Variants in TRPM3 observed in about 807,000 individuals in gnomAD.
The protein encoded by TRPM3 is transient receptor potential cation channel subfamily M member 3.
TRPM3 carries 77 observed loss-of-function variants against 181.2 expected under a neutral mutation model. The ratio of observed to expected loss-of-function variants is 0.42; its 90% CI spans 0.35 to 0.51. The LOEUF (loss-of-function observed/expected upper bound fraction) is 0.51, where lower values mean the gene tolerates loss of function less well. Among genes scored for constraint, TRPM3 ranks in the 20% least tolerant of loss-of-function variants. The pLI is 0.01. For synonymous variants in TRPM3, 745 were observed against 796.4 expected (o/e 0.94, Z 1.09); for missense variants, 1,759 against 2,196.7 (o/e 0.80, Z 3.98).
intron 1 of TRPM3, among the ~76,000 whole-genome samples, chr9:70,879,666 ATAT>A (rs2095946225): frequency 6.6e-6 from 1 of 152,110 alleles, no homozygotes; most frequent in African/African-American, 2.4e-5. Context: ...AAAATAATAG[ATAT>A]TATACAGTTA....
chr9:70,936,700 C>A (rs2096831735), intron 1 of TRPM3, among the ~76,000 whole-genome samples: 1 of 152,188 alleles, frequency 6.6e-6, no homozygotes. Context: ...GCCTAGAGTT[C>A]TCTTCACCCA....
chr9:70,584,467 G>T (rs2056689340), intron 22 of TRPM3, among the ~76,000 whole-genome samples: 1 of 152,088 alleles, frequency 6.6e-6, no homozygotes, highest in South Asian at 2.1e-4. Context: ...TCATTATTGT[G>T]AACAACTTCA....
chr9:70,866,921 A>C (rs1309034096), intron 1 of TRPM3, among the ~76,000 whole-genome samples: 1 of 152,054 alleles, frequency 6.6e-6, no homozygotes, highest in Non-Finnish European at 1.5e-5. Flanking sequence ...GAACTTGAAC[A>C]GTCTGGCTTC....
intron 5 of TRPM3, among the ~76,000 whole-genome samples, chr9:70,839,762 A>G (rs1394149905): frequency 1.3e-5 from 2 of 152,162 alleles, no homozygotes; most frequent in Non-Finnish European, 2.9e-5. Context: ...AGATGCAGCT[A>G]TTCTATTTTT....
At chr9:71,326,617 G>C (rs902954388) in intron 1 of TRPM3, among the ~76,000 whole-genome samples, 4 of 152,152 alleles carry the variant, frequency 2.6e-5, no homozygotes, top group African/African-American at 9.7e-5. Context: ...GTAGATGACT[G>C]GTCTTTTAAT....
In TRPM3 at chr9:70,537,248, C is replaced by T. The variant is rs538584258; in HGVS notation, c.3865G>A (p.Glu1289Lys). 2.3e-5 allele frequency: 36 copies of T among 1,596,264 alleles called. No individual in the cohort carries two copies. The highest frequency in any genetic ancestry group is 4.0e-5 in the African/African-American group (3 of 74,546). The change falls in exon 26 of 26, where the codon GAG becomes AAG. Residue 1289 changes from glutamate to lysine, a missense_variant. Around this residue, in one of 8 missense-constraint regions of TRPM3, gnomAD observed 612 missense variants for 590.0 expected, o/e 1.04. Transcript: ENST00000677713. ...LERLTGLERAESNKIRSRTSS... is the reference protein window; with the variant it reads ...LERLTGLERAKSNKIRSRTSS... ...GTCCTCGAGCGGATTTTGTTGGACT[C>T]GGCCCGCTCCAGACCTGTCAGGCGC...
At chr9:71,257,722 T>C (rs1588160433) in intron 1 of TRPM3, among the ~76,000 whole-genome samples, 1 of 152,338 alleles carries the variant, frequency 6.6e-6, no homozygotes, top group East Asian at 1.9e-4. Context: ...TGAATGTATC[T>C]TTGTACTAAG....
chr9:71,061,787 G>A (rs906425082), intron 1 of TRPM3, among the ~76,000 whole-genome samples: 2 of 152,044 alleles, frequency 1.3e-5, no homozygotes, highest in African/African-American at 2.4e-5. Context: ...TTCACCCCTT[G>A]CATCATTTTG....
rs567866450 is a variant in TRPM3, at chr9:71,332,790, G to T, written c.183+113863C>A. 3.1e-4 allele frequency among the ~76,000 whole-genome samples: 47 copies of T among 150,844 alleles called. 1 individual carries two copies. The highest frequency in any genetic ancestry group is 2.5e-3 in the South Asian group (12 of 4,742). ...AACACATTTAGAAAAATTTTTAAATGTATGTGCAAAGTGGAAGCTTTGCCC... is the reference window on the plus strand; with the variant it reads ...AACACATTTAGAAAAATTTTTAAATTTATGTGCAAAGTGGAAGCTTTGCCC... On this transcript the variant is annotated intron_variant, in intron 1 of 24. Transcript: ENST00000357533.
At chr9:70,894,379 T>C (rs1241035320) in intron 1 of TRPM3, among the ~76,000 whole-genome samples, 1 of 152,176 alleles carries the variant, frequency 6.6e-6, no homozygotes, top group Non-Finnish European at 1.5e-5. Context: ...CAAGGGACCA[T>C]CGGGCATTAC....
At chr9:71,124,109 A>T (rs148863648), upstream of TRPM3, among the ~76,000 whole-genome samples, 2 of 152,282 alleles carry the variant, frequency 1.3e-5, no homozygotes, top group Admixed American at 6.5e-5. Flanking sequence ...ATTACACTGC[A>T]AAAGAGGTAA....
chr9:71,033,598 T>C (rs140446530), intron 1 of TRPM3, among the ~76,000 whole-genome samples: 3 of 152,292 alleles, frequency 2.0e-5, no homozygotes, highest in East Asian at 3.9e-4. Context: ...AAGTGAGTGA[T>C]GATGATCACA....
chr9:70,615,172 G>A (rs2062594571), intron 18 of TRPM3, among the ~76,000 whole-genome samples: 1 of 152,206 alleles, frequency 6.6e-6, no homozygotes, highest in Non-Finnish European at 1.5e-5. Flanking sequence ...TACAGCAATG[G>A]TCATTGGTGG....
intron 1 of TRPM3, among the ~76,000 whole-genome samples, chr9:71,205,967 T>C (rs2079097635): frequency 6.6e-6 from 1 of 152,188 alleles, no homozygotes; most frequent in African/African-American, 2.4e-5. Context: ...AAAACACTCT[T>C]TAAAAATTTT....
At position 71,317,025 on chromosome 9, in the gene TRPM3, A is replaced by G. The variant is rs952817577; in HGVS notation, c.183+129628T>C. Among the ~76,000 whole-genome samples, 11 of 152,210 alleles carry G rather than the reference A, an allele frequency of 7.2e-5. 1 individual carries two copies. In the East Asian group the frequency reaches 1.5e-3, roughly 21 times the overall value. On this transcript the variant is annotated intron_variant, in intron 1 of 24. Transcript: ENST00000357533. ...TGAAAGAGTTTGAGGTTATACATAA[A>G]CCATATCCCCTATGTTACTTCTGGG...
intron 1 of TRPM3, among the ~76,000 whole-genome samples, chr9:71,080,550 T>C (rs2064144505): frequency 6.6e-6 from 1 of 152,158 alleles, no homozygotes; most frequent in Non-Finnish European, 1.5e-5. Context: ...GATAGGACAA[T>C]GAGGTAAATG....
At chr9:70,763,511 T>C (rs2078543818) in intron 7 of TRPM3, among the ~76,000 whole-genome samples, 1 of 152,076 alleles carries the variant, frequency 6.6e-6, no homozygotes, top group Admixed American at 6.6e-5. Context: ...AAAAAAAATT[T>C]ATATTTAGAA....
chr9:70,809,079 T>TA (rs1301112451), intron 6 of TRPM3, among the ~76,000 whole-genome samples: 1 of 152,100 alleles, frequency 6.6e-6, no homozygotes, highest in Non-Finnish European at 1.5e-5. Context: ...GAAAAAAGTT[T>TA]AAAAAATACA....
intron 24 of TRPM3, 65 bp downstream of exon 24, chr9:70,552,779 G>A: frequency 6.4e-7 from 1 of 1,556,426 alleles, no homozygotes; most frequent in Non-Finnish European, 8.9e-7. Context: ...GATTCTGCGT[G>A]ATTGCCTATA....
Sources: gnomAD v4.1 joint callset for allele counts (sites outside exome capture counted in the v4.1 genomes callset) on GRCh38, gnomAD v4.1.1 for gene constraint, gnomAD v4.1.1 regional missense constraint, MANE v1.5 for transcripts, NCBI Gene and HGNC (gene_info 2026-07-23, HGNC 2026-07-21) for gene names.